NRG3: variants seen among roughly 807,000 people sequenced by gnomAD.
NRG3 encodes pro-neuregulin-3, membrane-bound isoform.
In NRG3, 31 loss-of-function variants were observed where a neutral mutation model predicts 66.9. The ratio of observed to expected loss-of-function variants is 0.46; its 90% confidence interval spans 0.35 to 0.63. The LOEUF is 0.63. Ranked by LOEUF, NRG3 falls within the 20% of genes least tolerant of loss-of-function variation. The pLI is 0.00. For synonymous variants in NRG3, 393 were observed against 359.4 expected (o/e 1.09, Z -1.06); for missense variants, 910 against 878.9 (o/e 1.04, Z -0.45).
chr10:82,342,615 T>A (rs1011985951), intron 1 of NRG3, among the ~76,000 whole-genome samples: 1 of 152,084 alleles, frequency 6.6e-6, no homozygotes, highest in Non-Finnish European at 1.5e-5. Context: ...TTTAATAGAG[T>A]TATTTATTTT....
chr10:82,410,633 G>C (rs1178134473), intron 2 of NRG3, among the ~76,000 whole-genome samples: 1 of 151,902 alleles, frequency 6.6e-6, no homozygotes, highest in South Asian at 2.1e-4. Context: ...ACAACCTTCT[G>C]AATATTGTAC....
At chr10:82,256,007 T>C (rs1353811139) in intron 1 of NRG3, among the ~76,000 whole-genome samples, 1 of 152,048 alleles carries the variant, frequency 6.6e-6, no homozygotes, top group Non-Finnish European at 1.5e-5. Flanking sequence ...CACTGCAACC[T>C]CCATCTCCTG....
At chr10:81,995,617 C>T (rs115602821) in intron 1 of NRG3, among the ~76,000 whole-genome samples, 2,367 of 152,296 alleles carry the variant, frequency 0.016, 63 homozygotes, top group African/African-American at 0.054. Context: ...TTGGCTGTTC[C>T]TGGTACTGGC....
At chr10:82,461,263 C>T (rs1398367269) in intron 2 of NRG3, among the ~76,000 whole-genome samples, 1 of 151,934 alleles carries the variant, frequency 6.6e-6, no homozygotes, top group Non-Finnish European at 1.5e-5. Flanking sequence ...CCACCACCAT[C>T]GACACCATCA....
chr10:82,374,440 G>C (rs551487989), intron 2 of NRG3, among the ~76,000 whole-genome samples: 3 of 152,130 alleles, frequency 2.0e-5, no homozygotes, highest in Non-Finnish European at 4.4e-5. Context: ...CAAAGGCCAT[G>C]GTTATAAATA....
intron 1 of NRG3, among the ~76,000 whole-genome samples, chr10:82,341,161 G>A (rs530019609): frequency 7.9e-5 from 12 of 152,196 alleles, no homozygotes; most frequent in East Asian, 3.9e-4. Flanking sequence ...TTTAACATTG[G>A]TGTTGGGTAG....
intron 2 of NRG3, among the ~76,000 whole-genome samples, chr10:82,665,925 G>A (rs960342673): frequency 7.2e-5 from 11 of 151,988 alleles, no homozygotes; most frequent in East Asian, 1.9e-4. Flanking sequence ...ACAGTGGCGC[G>A]ATCTCGGCTC....
intron 1 of NRG3, among the ~76,000 whole-genome samples, chr10:82,140,908 T>C (rs2069727787): frequency 6.6e-6 from 1 of 152,144 alleles, no homozygotes; most frequent in Non-Finnish European, 1.5e-5. Context: ...TAGCCTTACC[T>C]AGCTTGATTT....
chr10:82,790,955 T>G (rs1453211726), intron 3 of NRG3, among the ~76,000 whole-genome samples: 2 of 151,822 alleles, frequency 1.3e-5, no homozygotes, highest in East Asian at 3.9e-4. Context: ...ATTATTAATA[T>G]TCTCTGTTTA....
chr10:82,144,768 A>C (rs530271858), intron 1 of NRG3, among the ~76,000 whole-genome samples: 1 of 152,188 alleles, frequency 6.6e-6, no homozygotes, highest in Non-Finnish European at 1.5e-5. Context: ...GACTTCAAGC[A>C]AAACAGCTAC....
chr10:81,969,697 A>G (rs2059855983), intron 1 of NRG3, among the ~76,000 whole-genome samples: 1 of 152,114 alleles, frequency 6.6e-6, no homozygotes, highest in Admixed American at 6.5e-5. Context: ...AAAGTAAATC[A>G]TTCCACATTT....
intron 1 of NRG3, among the ~76,000 whole-genome samples, chr10:81,903,969 A>AGT (rs1195677869): frequency 3.0e-5 from 4 of 134,640 alleles, no homozygotes; most frequent in South Asian, 4.9e-4. Context: ...AAGACTTCAG[A>AGT]GTGTGTATAT....
chr10:82,458,685 A>G (rs1183506079), intron 2 of NRG3, among the ~76,000 whole-genome samples: 4 of 152,192 alleles, frequency 2.6e-5, no homozygotes, highest in African/African-American at 9.7e-5. Context: ...TTAAGTCCCT[A>G]CTGTGATATT....
intron 3 of NRG3, among the ~76,000 whole-genome samples, chr10:82,818,905 A>G (rs770428192): frequency 1.3e-5 from 2 of 152,242 alleles, no homozygotes; most frequent in Non-Finnish European, 2.9e-5. Flanking sequence ...TTTGAAATTC[A>G]ATATCTGCTT....
At chr10:82,542,379 T>G (rs1180383052) in intron 2 of NRG3, among the ~76,000 whole-genome samples, 2 of 152,182 alleles carry the variant, frequency 1.3e-5, no homozygotes, top group Non-Finnish European at 2.9e-5. Context: ...GGAGAGTCAA[T>G]TTATCAGGCA....
chr10:82,107,297 A>G (rs1028416251), intron 1 of NRG3, among the ~76,000 whole-genome samples: 4 of 152,242 alleles, frequency 2.6e-5, no homozygotes, highest in Admixed American at 6.5e-5. Flanking sequence ...GGATGATTCA[A>G]CTTGTACCAG....
chr10:82,712,205 T>TATATG (rs56857748), intron 2 of NRG3, among the ~76,000 whole-genome samples: 2 of 1,856 alleles, frequency 1.1e-3, no homozygotes, highest in African/African-American at 2.0e-3. Context: ...AGGGATTTTA[T>TATATG]ATATTCTATA....
At chr10:82,177,066 A>G (rs1440809680) in intron 1 of NRG3, among the ~76,000 whole-genome samples, 2 of 152,064 alleles carry the variant, frequency 1.3e-5, no homozygotes, top group African/African-American at 4.8e-5. Flanking sequence ...TGATAATATT[A>G]TCTACCTCTC....
At chr10:82,810,382 A>G (rs536567601) in intron 3 of NRG3, among the ~76,000 whole-genome samples, 1 of 152,234 alleles carries the variant, frequency 6.6e-6, no homozygotes, top group African/African-American at 2.4e-5. Context: ...GTTTTTGAAG[A>G]GTTTTAGGCT....
Sources: allele counts gnomAD v4.1 joint callset (sites outside exome capture counted in the v4.1 genomes callset), GRCh38; gene constraint gnomAD v4.1.1; transcripts MANE v1.5; gene names NCBI Gene and HGNC (gene_info 2026-07-23, HGNC 2026-07-21).